The following LY75 variants were observed in gnomAD, a reference collection of about 807,000 sequenced individuals.
LY75 encodes the protein lymphocyte antigen 75.
Under a neutral mutation model 231.7 loss-of-function variants are expected in LY75, and 185 were observed. That is an observed-to-expected ratio of 0.80 (90% CI 0.71 to 0.90). The LOEUF (loss-of-function observed/expected upper bound fraction) is 0.90, where lower values mean the gene tolerates loss of function less well. Among genes scored for constraint, LY75 ranks in the 40% least tolerant of loss-of-function variants. The pLI, the probability that LY75 is intolerant of heterozygous loss-of-function variation, is 0.00. For synonymous variants in LY75, 668 were observed against 689.0 expected (o/e 0.97, Z 0.48); for missense variants, 1,947 against 2,050.2 (o/e 0.95, Z 0.97).
chr2:159,883,961 G>C (rs1039719195), intron 6 of LY75, among the ~76,000 whole-genome samples: 1 of 152,094 alleles, frequency 6.6e-6, no homozygotes, highest in Admixed American at 6.6e-5. Context: ...ATATGGTTTG[G>C]CTGTGTCCTC....
chr2:159,891,627 T>C (rs746035396), intron 3 of LY75, among the ~76,000 whole-genome samples: 62 of 152,192 alleles, frequency 4.1e-4, no homozygotes, highest in Non-Finnish European at 5.1e-4. Flanking sequence ...CCACTGTATG[T>C]GTCACACCCC....
intron 13 of LY75, among the ~76,000 whole-genome samples, chr2:159,868,158 TTTC>T (rs1181217156): frequency 6.6e-6 from 1 of 152,194 alleles, no homozygotes; most frequent in Non-Finnish European, 1.5e-5. Flanking sequence ...AGGCAAACAA[TTTC>T]TTTATTATGG....
chr2:159,892,525 C>A (rs1277759330), intron 3 of LY75, among the ~76,000 whole-genome samples: 1 of 152,120 alleles, frequency 6.6e-6, no homozygotes, highest in African/African-American at 2.4e-5. Context: ...ATATTGAGAG[C>A]CTGAAACAGT....
At chr2:159,859,066 T>C (rs184243175) in intron 15 of LY75, among the ~76,000 whole-genome samples, 88 of 152,366 alleles carry the variant, frequency 5.8e-4, no homozygotes, top group Admixed American at 2.3e-3. Flanking sequence ...GCTGGGCTTG[T>C]TCCTGATGCA....
rs1306142585 is a variant in LY75, at chr2:159,819,858, GTCT to G, written c.4018_4020del (p.Arg1340del). On this transcript the variant is annotated inframe_deletion, in exon 29 of 35. Transcript: ENST00000263636. ...AAAAACTTCTCATTTTTTATAGTTGGTCTTCCTGCTCTCCAATGTGTATATGAC... is the reference window on the plus strand; with the variant it reads ...AAAAACTTCTCATTTTTTATAGTTGGTCCTGCTCTCCAATGTGTATATGAC... The G allele has an allele frequency of 6.2e-7, 1 of 1,614,052 alleles. No individual in the cohort carries two copies. The highest frequency in any genetic ancestry group is 1.7e-5 in the Admixed American group (1 of 60,010).
intron 28 of LY75, 121 bp from the exon 29 acceptor site, chr2:159,820,041 T>A (rs1469613890): frequency 1.1e-6 from 1 of 917,774 alleles, no homozygotes; most frequent in African/African-American, 1.7e-5. Context: ...AAAGGTTGTA[T>A]GATTATGTAT....
At chr2:159,884,519 G>C (rs1359365912) in intron 6 of LY75, among the ~76,000 whole-genome samples, 1 of 152,018 alleles carries the variant, frequency 6.6e-6, no homozygotes, top group African/African-American at 2.4e-5. Context: ...TTGTCCCTCT[G>C]CACCTCTCCT....
At chr2:159,898,106 CTTTTCTT>C (rs1459750248) in intron 2 of LY75, among the ~76,000 whole-genome samples, 1 of 151,952 alleles carries the variant, frequency 6.6e-6, no homozygotes, top group Non-Finnish European at 1.5e-5. Flanking sequence ...CCTTCTCCTT[CTTTTCTT>C]TTTTAAGGAT....
chr2:159,845,036 T>A (rs1450557799), intron 23 of LY75, among the ~76,000 whole-genome samples: 1 of 152,128 alleles, frequency 6.6e-6, no homozygotes, highest in African/African-American at 2.4e-5. Flanking sequence ...TCCAGCTCCA[T>A]CCATGTTGCT....
In LY75 at chr2:159,842,142, A is replaced by G. The variant is rs1684050996; in HGVS notation, c.3280+103T>C. 9.4e-6 allele frequency: 13 copies of G among 1,387,030 alleles called. No individual in the cohort carries two copies. In the South Asian group the frequency reaches 1.0e-4, roughly 11 times the overall value. The allele number at this position is 1,387,030 out of a possible 1,614,324, so 85.9% of individuals were successfully genotyped here. A position where few individuals can be genotyped will look rare whatever the true frequency, so the allele number is the denominator to read the frequency against. On this transcript the variant is annotated intron_variant, in intron 24 of 34. Coordinates refer to ENST00000263636, the MANE Select transcript of LY75 (RefSeq NM_002349.4). Reference sequence around the variant, plus strand: ...ATACTACCCAATAGGTAATTTTTCAACCTATGTTCCCCTCCCTCCCTATAG... The same window carrying G: ...ATACTACCCAATAGGTAATTTTTCAGCCTATGTTCCCCTCCCTCCCTATAG...
chr2:159,842,299 T>C lies in LY75; in HGVS notation c.3226A>G (p.Asn1076Asp). The change falls in exon 24 of 35, where the codon AAT becomes GAT. Residue 1076 changes from asparagine to aspartate, a missense_variant. Coordinates refer to ENST00000263636, the MANE Select transcript of LY75 (RefSeq NM_002349.4). ...LQKSPFTGTWNFTSCSERHFV... is the reference protein window; with the variant it reads ...LQKSPFTGTWDFTSCSERHFV... ...TGGCGTTCACTGCAGGATGTAAAAT[T>C]CCACGTCCCAGTAAACGGTGATTTT... 6.2e-7 allele frequency: 1 copy of C among 1,612,826 alleles called. No homozygotes were observed. The highest frequency in any genetic ancestry group is 1.7e-4 in the Middle Eastern group (1 of 6,052).
chr2:159,865,602 T>C (rs1368911386), intron 13 of LY75, among the ~76,000 whole-genome samples: 3 of 152,114 alleles, frequency 2.0e-5, no homozygotes, highest in Non-Finnish European at 4.4e-5. Context: ...GTAAAGACCA[T>C]TTATGAAAGC....
rs924147033 is a variant in LY75 at position 159,810,690 on chromosome 2, G to C, written c.4550-15C>G. The C allele has an allele frequency of 2.5e-6, 4 of 1,606,114 alleles. No individual in the cohort carries two copies. The highest frequency in any genetic ancestry group is 2.5e-6 in the Non-Finnish European group (3 of 1,177,960). ...CAGCTTTTTAGCTATAAAAATGTTA[G>C]ACACAGTTGTAACAATGCATGGAAA... On this transcript the variant is annotated splice_polypyrimidine_tract_variant and intron_variant, in intron 31 of 34. Coordinates refer to ENST00000263636, the MANE Select transcript of LY75 (RefSeq NM_002349.4).
In LY75 at chr2:159,817,039, T is replaced by A; in HGVS notation, c.4154-7A>T. The stretch of plus-strand genomic sequence containing the variant: ...TATTCTTCTTTGTAGTCAACTATAA[T>A]AATTAAAAGCACTGGTGATTAAAAT... On this transcript the variant is annotated splice_region_variant and splice_polypyrimidine_tract_variant and intron_variant, in intron 29 of 34. Transcript: ENST00000263636. The A allele has an allele frequency of 6.3e-7, 1 of 1,584,744 alleles. No homozygotes were observed. The highest frequency in any genetic ancestry group is 1.2e-5 in the South Asian group (1 of 85,738).
Position 159,834,108 on chromosome 2 carries a change from T to C in LY75, c.3777A>G (p.Ile1259Met). 1.9e-6 allele frequency: 3 copies of C among 1,614,084 alleles called. No homozygotes were observed. Among genetic ancestry groups the C allele is most frequent in the Non-Finnish European group, 2.5e-6 (3 of 1,179,974 alleles). The change falls in exon 27 of 35, where the codon ATA becomes ATG. Residue 1259 changes from isoleucine (I) to methionine (M), a missense_variant. By Grantham distance (10) the Ile-to-Met change is conservative (BLOSUM62 1). Transcript: ENST00000263636. Reference sequence around the variant, plus strand: ...TTGCCATATGCCTATTCTTTGTTATTATGAAATTGTAGCAACAGTTCTGAA... The same window carrying C: ...TTGCCATATGCCTATTCTTTGTTATCATGAAATTGTAGCAACAGTTCTGAA... Reference protein sequence around the residue: ...IPFQNCCYNFIITKNRHMATT... With the variant: ...IPFQNCCYNFMITKNRHMATT...
rs570196903 is a variant in LY75 at position 159,854,479 on chromosome 2, C to T, written c.2476G>A (p.Val826Ile). ...TCATAGTTTAGGTGAAGATCAGCAA[C>T]AAACCAATATTCACTTCCTTCAATT... is the stretch of plus-strand genomic sequence containing the variant. ...LIIEGSEYWF[V>I]ADLHLNYEEA... The change falls in exon 18 of 35, where the codon GTT becomes ATT. Residue 826 changes from valine (V) to isoleucine (I), a missense_variant. By Grantham distance (29) the Val-to-Ile change is conservative. Transcript: ENST00000263636. 1.9e-6 allele frequency: 3 copies of T among 1,613,526 alleles called. No individual in the cohort carries two copies. The African/African-American group carries it at 4.0e-5, about 22-fold the overall frequency.
intron 4 of LY75, among the ~76,000 whole-genome samples, chr2:159,888,435 A>G (rs985119532): frequency 6.6e-6 from 1 of 152,196 alleles, no homozygotes; most frequent in African/African-American, 2.4e-5. Context: ...TCAAATCCCA[A>G]TCTGATACTT....
At chr2:159,808,306 C>T (rs953012659) in intron 33 of LY75, 143 bp downstream of exon 33, 2 of 1,429,804 alleles carry the variant, frequency 1.4e-6, no homozygotes, top group African/African-American at 1.4e-5. Context: ...TATAACCATC[C>T]AGAACAGCCA....
At chr2:159,851,122 G>T (rs1401500545) in intron 21 of LY75, among the ~76,000 whole-genome samples, 1 of 151,568 alleles carries the variant, frequency 6.6e-6, no homozygotes, top group Non-Finnish European at 1.5e-5. Flanking sequence ...CTCTTTCTTG[G>T]CAGGATATTT....
Sources: allele counts gnomAD v4.1 joint callset (sites outside exome capture counted in the v4.1 genomes callset), GRCh38; gene constraint gnomAD v4.1.1; transcripts MANE v1.5; gene names NCBI Gene and HGNC (gene_info 2026-07-23, HGNC 2026-07-21).